Variants in GRID1 observed in about 807,000 individuals in gnomAD.
GRID1 encodes the protein glutamate receptor ionotropic, delta-1.
In GRID1, 28 loss-of-function variants were observed where a neutral mutation model predicts 98.0. The observed-to-expected ratio is 0.29, with a 90% CI of 0.21 to 0.39. The LOEUF is 0.39. Among genes scored for constraint, GRID1 ranks in the 10% least tolerant of loss-of-function variants. The pLI is 1.00. For missense variants in GRID1, 1,111 were observed against 1,340.5 expected (o/e 0.83, Z 2.67); for synonymous variants, 553 against 538.5 (o/e 1.03, Z -0.37).
intron 4 of GRID1, among the ~76,000 whole-genome samples, chr10:86,098,831 C>T (rs1844256174): frequency 6.6e-6 from 1 of 152,206 alleles, no homozygotes; most frequent in African/African-American, 2.4e-5. Context: ...TGCACGTTTA[C>T]CTACTGGAAA....
intron 4 of GRID1, among the ~76,000 whole-genome samples, chr10:86,056,555 TC>T: frequency 6.6e-6 from 1 of 151,988 alleles, no homozygotes; most frequent in South Asian, 2.1e-4. Flanking sequence ...CCCAAACCCT[TC>T]CCCATAAATC....
chr10:86,262,823 G>A (rs1313290165), intron 2 of GRID1, among the ~76,000 whole-genome samples: 1 of 152,114 alleles, frequency 6.6e-6, no homozygotes, highest in African/African-American at 2.4e-5. Flanking sequence ...ACAACTAAAG[G>A]TTTGCTCCTT....
intron 5 of GRID1, among the ~76,000 whole-genome samples, chr10:85,880,729 C>A (rs909712896): frequency 6.6e-6 from 1 of 152,094 alleles, no homozygotes; most frequent in African/African-American, 2.4e-5. Context: ...GGGATGCCCC[C>A]TCTCACCACT....
chr10:86,158,825 C>T (rs1845281514), intron 3 of GRID1, among the ~76,000 whole-genome samples: 1 of 152,186 alleles, frequency 6.6e-6, no homozygotes, highest in Non-Finnish European at 1.5e-5. Flanking sequence ...CAACTGAGAT[C>T]GGCTGTAAGT....
intron 14 of GRID1, among the ~76,000 whole-genome samples, chr10:85,616,474 C>T (rs1230706886): frequency 6.6e-6 from 1 of 152,142 alleles, no homozygotes; most frequent in Non-Finnish European, 1.5e-5. Context: ...GATCCCCACT[C>T]CTCCGCTCAT....
chr10:86,271,921 CA>C (rs1274952586), intron 2 of GRID1, among the ~76,000 whole-genome samples: 1 of 151,724 alleles, frequency 6.6e-6, no homozygotes, highest in Non-Finnish European at 1.5e-5. Context: ...TGCACAGATG[CA>C]AAAATTTTAA....
At chr10:85,902,481 G>C (rs577689939) in intron 5 of GRID1, among the ~76,000 whole-genome samples, 13 of 152,322 alleles carry the variant, frequency 8.5e-5, no homozygotes, top group African/African-American at 3.1e-4. Context: ...AGGGACAACT[G>C]CAATAAATTA....
intron 3 of GRID1, among the ~76,000 whole-genome samples, chr10:86,152,314 G>T (rs999381500): frequency 2.0e-5 from 3 of 152,224 alleles, no homozygotes; most frequent in Admixed American, 6.5e-5. Flanking sequence ...CAGAAGGATA[G>T]CCACAGTGGC....
chr10:86,281,145 C>A (rs191460337), intron 2 of GRID1, among the ~76,000 whole-genome samples: 36 of 152,248 alleles, frequency 2.4e-4, no homozygotes, highest in African/African-American at 8.2e-4. Flanking sequence ...CAGGGCCTGG[C>A]ACAGCAAAAG....
At chr10:86,155,201 T>A (rs979644810) in intron 3 of GRID1, among the ~76,000 whole-genome samples, 1 of 152,262 alleles carries the variant, frequency 6.6e-6, no homozygotes, top group Non-Finnish European at 1.5e-5. Flanking sequence ...TATGGCTTGC[T>A]GAAGGCTGGG....
intron 3 of GRID1, among the ~76,000 whole-genome samples, chr10:86,156,657 A>C (rs1345436879): frequency 6.6e-6 from 1 of 152,242 alleles, no homozygotes; most frequent in African/African-American, 2.4e-5. Context: ...GAGAACCACA[A>C]GAGCAAAAGC....
chr10:86,243,992 G>A (rs1484045362), intron 2 of GRID1, among the ~76,000 whole-genome samples: 2 of 152,182 alleles, frequency 1.3e-5, no homozygotes, highest in South Asian at 4.1e-4. Context: ...TGTGTGCACT[G>A]TGTGTACACA....
chr10:85,768,097 G>A (rs750844591), intron 8 of GRID1, among the ~76,000 whole-genome samples: 26 of 152,270 alleles, frequency 1.7e-4, no homozygotes, highest in Non-Finnish European at 3.1e-4. Flanking sequence ...AGGAAATCCC[G>A]AGCTAAAATC....
chr10:86,157,363 C>A lies in GRID1; in HGVS notation c.521-18339G>T, dbSNP rs7085455. On this transcript the variant is annotated intron_variant, in intron 3 of 15. Transcript: ENST00000327946. ...TGAGGGCTAAGGACATGGCATGAGA[C>A]CCAGAAGGCAAATGCCCTCCAAGCA... Among the ~76,000 whole-genome samples the A allele has an allele frequency of 6.8e-3, 1,041 of 152,214 alleles. 18 individuals are homozygous for A. The highest frequency in any genetic ancestry group is 0.024 in the African/African-American group (998 of 41,514).
intron 2 of GRID1, among the ~76,000 whole-genome samples, chr10:86,294,020 A>T (rs1847552468): frequency 6.6e-6 from 1 of 152,214 alleles, no homozygotes; most frequent in African/African-American, 2.4e-5. Flanking sequence ...GATAGAGTAT[A>T]TTCGCGGGTG....
intron 3 of GRID1, among the ~76,000 whole-genome samples, chr10:86,151,040 A>G (rs904683770): frequency 6.6e-6 from 1 of 152,174 alleles, no homozygotes; most frequent in African/African-American, 2.4e-5. Flanking sequence ...CACTATGTGA[A>G]GTAATTTGCA....
At chr10:85,604,814 C>T (rs1316567022) in intron 15 of GRID1, among the ~76,000 whole-genome samples, 3 of 152,080 alleles carry the variant, frequency 2.0e-5, no homozygotes, top group East Asian at 3.9e-4. Context: ...ATTTTATAAC[C>T]GTTATACAGT....
intron 5 of GRID1, among the ~76,000 whole-genome samples, chr10:85,900,794 C>A (rs1841370559): frequency 6.6e-6 from 1 of 152,182 alleles, no homozygotes; most frequent in Non-Finnish European, 1.5e-5. Flanking sequence ...ATCCCTGGTG[C>A]TTCACAGGTG....
chr10:86,167,883 G>T (rs1214253886), intron 3 of GRID1, among the ~76,000 whole-genome samples: 1 of 152,090 alleles, frequency 6.6e-6, no homozygotes, highest in Non-Finnish European at 1.5e-5. Flanking sequence ...AGCAGAGGAG[G>T]CCCAGAGGCA....
Sources: allele counts gnomAD v4.1 joint callset (sites outside exome capture counted in the v4.1 genomes callset), GRCh38; gene constraint gnomAD v4.1.1; transcripts MANE v1.5; gene names NCBI Gene and HGNC (gene_info 2026-07-23, HGNC 2026-07-21).